PREP: variants seen among roughly 807,000 people sequenced by gnomAD.
PREP encodes dJ355L5.1 (prolyl endopeptidase).
PREP carries 29 observed loss-of-function variants against 87.6 expected under a neutral mutation model. That is an observed-to-expected ratio of 0.33 (90% CI 0.25 to 0.45). PREP has a LOEUF of 0.45. PREP is among the 20% of genes least tolerant of loss of function. The probability of loss-of-function intolerance (pLI) is 1.00; values close to 1 mark genes in which losing one functional copy is unlikely to be tolerated. For synonymous variants in PREP, 337 were observed against 328.6 expected, an observed-to-expected ratio of 1.03 and a Z score of -0.28; for missense variants, 695 against 886.5, an observed-to-expected ratio of 0.78 and a Z score of 2.74.
chr6:105,311,489 G>A (rs1244436836), intron 10 of PREP, among the ~76,000 whole-genome samples: 1 of 152,218 alleles, frequency 6.6e-6, no homozygotes, highest in Non-Finnish European at 1.5e-5. Context: ...GGTTTCAAGT[G>A]AAAACTCAGG....
chr6:105,352,911 A>G (rs1377753522), intron 7 of PREP, 61 bp downstream of exon 7: 5 of 1,416,616 alleles, frequency 3.5e-6, no homozygotes, highest in Non-Finnish European at 4.0e-6. Flanking sequence ...AATAGACCAC[A>G]ATAATACTTT....
chr6:105,282,508 A>G lies in PREP; in HGVS notation c.1624T>C (p.Tyr542His). ...ATAGTCAGCCTCTTGGGAGATGTGT[A>G]ACCTTCCTTGATCAGATACTCAGCA... Reference protein sequence around the residue: ...CAAEYLIKEGYTSPKRLTING... With the variant: ...CAAEYLIKEGHTSPKRLTING... Residue 542 changes from tyrosine (Y) to histidine (H), a missense_variant, in exon 13 of 15, where the codon TAC (tyrosine) becomes CAC (histidine). Coordinates refer to ENST00000652536, the MANE Select transcript of PREP (RefSeq NM_002726.5). The G allele has an allele frequency of 6.2e-7, 1 of 1,614,200 alleles. No homozygotes were observed. Among genetic ancestry groups the G allele is most frequent in the Non-Finnish European group, 8.5e-7 (1 of 1,180,032 alleles).
chr6:105,346,239 T>C (rs1771793464), intron 7 of PREP, among the ~76,000 whole-genome samples: 1 of 152,126 alleles, frequency 6.6e-6, no homozygotes, highest in Non-Finnish European at 1.5e-5. Context: ...TCTCCCCTTT[T>C]CCACTCTACG....
chr6:105,317,050 A>G (rs1684138106), intron 10 of PREP, among the ~76,000 whole-genome samples: 1 of 151,188 alleles, frequency 6.6e-6, no homozygotes, highest in Non-Finnish European at 1.5e-5. Flanking sequence ...GGCTCAAATG[A>G]TCATCCTGCC....
chr6:105,357,714 A>G (rs1415810423), intron 6 of PREP, among the ~76,000 whole-genome samples: 1 of 152,178 alleles, frequency 6.6e-6, no homozygotes, highest in Non-Finnish European at 1.5e-5. Context: ...GACTATTTCA[A>G]GGCAATTTAA....
At chr6:105,284,697 T>C (rs973696811) in intron 12 of PREP, among the ~76,000 whole-genome samples, 8 of 152,152 alleles carry the variant, frequency 5.3e-5, no homozygotes, top group Non-Finnish European at 8.8e-5. Flanking sequence ...GAAGAACCTC[T>C]TCAGACCACT....
chr6:105,366,874 G>C (rs1772399686), intron 6 of PREP, among the ~76,000 whole-genome samples: 1 of 152,208 alleles, frequency 6.6e-6, no homozygotes, highest in Non-Finnish European at 1.5e-5. Context: ...GGTACCCAGA[G>C]CAGTCAAATA....
At chr6:105,321,327 TG>T (rs1399854680) in intron 10 of PREP, among the ~76,000 whole-genome samples, 1 of 152,178 alleles carries the variant, frequency 6.6e-6, no homozygotes, top group African/African-American at 2.4e-5. Flanking sequence ...AATAAAAAAC[TG>T]TAAGTATTTA....
At chr6:105,291,823 T>G (rs1462512452) in intron 10 of PREP, among the ~76,000 whole-genome samples, 1 of 152,220 alleles carries the variant, frequency 6.6e-6, no homozygotes, top group Non-Finnish European at 1.5e-5. Context: ...CCTGCCACTG[T>G]TTTATCAATT....
intron 2 of PREP, among the ~76,000 whole-genome samples, chr6:105,384,380 C>T (rs1772928641): frequency 1.3e-5 from 2 of 152,184 alleles, no homozygotes; most frequent in Non-Finnish European, 2.9e-5. Context: ...TGAGGAACAT[C>T]TGGCTGGAAC....
chr6:105,285,743 T>C (rs1194068581), intron 11 of PREP, among the ~76,000 whole-genome samples, 163 bp from the exon 12 acceptor site: 3 of 152,194 alleles, frequency 2.0e-5, no homozygotes, highest in Admixed American at 6.5e-5. Context: ...GAAAAACACA[T>C]AACTTCCTGT....
In PREP at chr6:105,402,990, G is replaced by T; in HGVS notation, c.-99C>A. The T allele has an allele frequency of 5.8e-6, 3 of 514,836 alleles. No individual in the cohort carries two copies. Among genetic ancestry groups the T allele is most frequent in the Non-Finnish European group, 8.7e-6 (3 of 344,790 alleles). 31.9% of individuals were successfully genotyped at this position (514,836 alleles called of 1,614,324 possible). Reference sequence around the variant, plus strand: ...GCGAGGCGCGGCTGGGGCGCAGGCAGCTGCGGGGCGGCCGGCGGCAGCGGG... The same window carrying T: ...GCGAGGCGCGGCTGGGGCGCAGGCATCTGCGGGGCGGCCGGCGGCAGCGGG... On this transcript the variant is annotated 5_prime_UTR_variant, in exon 1 of 15. The change creates a new upstream start codon in the 5' untranslated region. Coordinates refer to ENST00000652536, the MANE Select transcript of PREP (RefSeq NM_002726.5).
intron 8 of PREP, among the ~76,000 whole-genome samples, chr6:105,331,313 C>A (rs1226951269): frequency 6.6e-6 from 1 of 151,548 alleles, no homozygotes; most frequent in Non-Finnish European, 1.5e-5. Flanking sequence ...ATATATCACC[C>A]CCCCAACAAA....
Position 105,330,738 on chromosome 6 carries a change from G to A in PREP, c.1016-1712C>T, listed in dbSNP as rs564614358. On this transcript the variant is annotated intron_variant, in intron 8 of 14. Transcript: ENST00000652536. ...AGAAACTAGCAGTTCATGTTTTTAGGATGCTAGAATTTACCCACATGAAAA... is the reference window on the plus strand; with the variant it reads ...AGAAACTAGCAGTTCATGTTTTTAGAATGCTAGAATTTACCCACATGAAAA... 2.0e-5 allele frequency among the ~76,000 whole-genome samples: 3 copies of A among 152,112 alleles called. No homozygotes were observed. In the East Asian group the frequency reaches 5.8e-4, roughly 29 times the overall value.
intron 7 of PREP, among the ~76,000 whole-genome samples, chr6:105,348,000 A>G (rs571550141): frequency 3.9e-5 from 6 of 152,338 alleles, no homozygotes; most frequent in African/African-American, 9.6e-5. Flanking sequence ...AAGGTTCAGG[A>G]TAATTAATTT....
Position 105,285,165 on chromosome 6 carries a change from A to C in PREP, c.1549+321T>G, listed in dbSNP as rs576560839. Among the ~76,000 whole-genome samples, 3 of 152,360 alleles carry C rather than the reference A, an allele frequency of 2.0e-5. No homozygotes were observed. In the East Asian group the frequency reaches 5.8e-4, roughly 29 times the overall value. On this transcript the variant is annotated intron_variant, in intron 12 of 14. Coordinates refer to ENST00000652536, the MANE Select transcript of PREP (RefSeq NM_002726.5). ...TAACAAGAGACAGAATAAATACCAA[A>C]AAGCTCTCCGAGATTCACTCCTGAC... is the stretch of plus-strand genomic sequence containing the variant.
At chr6:105,397,289 T>C (rs568785087) in intron 2 of PREP, among the ~76,000 whole-genome samples, 60 of 152,038 alleles carry the variant, frequency 3.9e-4, no homozygotes, top group African/African-American at 1.4e-3. Flanking sequence ...CATTACTGAA[T>C]GGACTTCAGC....
chr6:105,313,886 T>A (rs1246146236), intron 10 of PREP, among the ~76,000 whole-genome samples: 1 of 152,206 alleles, frequency 6.6e-6, no homozygotes, highest in Non-Finnish European at 1.5e-5. Flanking sequence ...TTTATTTTAT[T>A]TCTGAATATA....
intron 4 of PREP, 123 bp downstream of exon 4, chr6:105,376,002 G>T (rs1583094196): frequency 1.8e-6 from 2 of 1,142,026 alleles, no homozygotes; most frequent in Non-Finnish European, 2.4e-6. Flanking sequence ...TATTGTATGT[G>T]CATCTGTTCC....
Sources: gnomAD v4.1 joint callset for allele counts (sites outside exome capture counted in the v4.1 genomes callset) on GRCh38, gnomAD v4.1.1 for gene constraint, MANE v1.5 for transcripts, NCBI Gene and HGNC (gene_info 2026-07-23, HGNC 2026-07-21) for gene names.